DENND4B: variants seen among roughly 807,000 people sequenced by gnomAD.
The protein encoded by DENND4B is DENN domain-containing protein 4B.
A neutral mutation model predicts 161.0 loss-of-function variants in DENND4B; 67 were observed. The observed-to-expected ratio is 0.42, with a 90% CI of 0.34 to 0.51. The LOEUF (loss-of-function observed/expected upper bound fraction) is 0.51. DENND4B is among the 20% of genes least tolerant of loss of function. DENND4B has a pLI of 0.08. For missense variants in DENND4B, 1,481 were observed against 1,968.0 expected (o/e 0.75, Z 4.68); for synonymous variants, 753 against 813.8 (o/e 0.93, Z 1.27).
rs748569669 is a variant in DENND4B at position 153,934,275 on chromosome 1, G to A, written c.2801C>T (p.Thr934Ile). ...AEPYLERPSP[T>I]RPLQRQTTWA... ...AGTAGTCTGGCGCTGAAGAGGGCGA[G>A]TAGGGGAAGGGCGCTCCAAATAGGG... The change falls in exon 19 of 28, where the codon ACT becomes ATT. Residue 934 changes from threonine to isoleucine, a missense_variant. Coordinates refer to ENST00000361217, the MANE Select transcript of DENND4B (RefSeq NM_014856.3). This position sits in a 1 kb window ranked among gnomAD's most constrained non-coding sequence, Gnocchi z 5.3. 7 of 1,594,418 alleles carry A rather than the reference G, an allele frequency of 4.4e-6. No individual in the cohort carries two copies. The highest frequency in any genetic ancestry group is 1.1e-5 in the South Asian group (1 of 88,114).
rs767248489 is a variant in DENND4B, at chr1:153,934,935, G to A, written c.2598C>T (p.Gly866=). The part of the protein sequence containing the change: ...KAVLESKWPS[G]TPGGRLRWAK... ...CCCAGCGCAGACGCCCACCTGGTGT[G>A]CCAGACGGCCACTTGCTTTCCAACA... Residue 866 remains glycine, a synonymous_variant, in exon 18 of 28, where the codon GGC becomes GGT. Coordinates refer to ENST00000361217, the MANE Select transcript of DENND4B (RefSeq NM_014856.3). The surrounding 1 kb of genome is among the most constrained non-coding windows in gnomAD (Gnocchi z 5.3). The A allele has an allele frequency of 1.2e-6, 2 of 1,612,620 alleles. No individual in the cohort carries two copies. The highest frequency in any genetic ancestry group is 1.7e-5 in the Admixed American group (1 of 60,016).
At chr1:153,945,046 G>C (rs1571062140) in intron 1 of DENND4B, 1 of 1,251,616 alleles carries the variant, frequency 8.0e-7, no homozygotes, top group Admixed American at 2.5e-5. Flanking sequence ...TAGATCCAAA[G>C]CAGTTGTGAG....
Position 153,939,787 on chromosome 1 carries a change from C to T in DENND4B, c.1621G>A (p.Glu541Lys), listed in dbSNP as rs1679563886. ...AGTAGGAACTCCAGGGATGCTTCCTCCTCAGGTCCAGTGTATGCTGGAGGC... is the reference window on the plus strand; with the variant it reads ...AGTAGGAACTCCAGGGATGCTTCCTTCTCAGGTCCAGTGTATGCTGGAGGC... ...QLDQTYTGPE[E>K]EASLEFLLTD... is the part of the protein sequence containing the mutation. Residue 541 changes from glutamate to lysine, a missense_variant, in exon 12 of 28, where the codon GAG becomes AAG. Around this residue, in one of 3 missense-constraint regions of DENND4B, gnomAD observed 806 missense variants for 1,134.4 expected, o/e 0.71. Coordinates refer to ENST00000361217, the MANE Select transcript of DENND4B (RefSeq NM_014856.3). 3.7e-6 allele frequency: 6 copies of T among 1,613,742 alleles called. No individual in the cohort carries two copies. Among genetic ancestry groups the T allele is most frequent in the Non-Finnish European group, 5.1e-6 (6 of 1,179,878 alleles).
rs1478002643 is a variant in DENND4B, at chr1:153,942,919, G to A, written c.529C>T (p.His177Tyr). 3.1e-6 allele frequency: 5 copies of A among 1,609,644 alleles called. No homozygotes were observed. The highest frequency in any genetic ancestry group is 3.4e-6 in the Non-Finnish European group (4 of 1,176,582). ...VLPSKGEGTP[H>Y]TYCRLPRNLN... ...TTGCGGGGCAGCCGGCAGTAAGTAT[G>A]AGGAGTGCCCTCGCCCTTACTGGGC... The change falls in exon 3 of 28, where the codon CAT becomes TAT. Residue 177 changes from histidine (H) to tyrosine (Y), a missense_variant. By Grantham distance (83) the His-to-Tyr change is moderately conservative. Around this residue, in one of 3 missense-constraint regions of DENND4B, gnomAD observed 806 missense variants for 1,134.4 expected, o/e 0.71. Coordinates refer to ENST00000361217, the MANE Select transcript of DENND4B (RefSeq NM_014856.3). The surrounding 1 kb of genome is among the most constrained non-coding windows in gnomAD (Gnocchi z 6.9).
chr1:153,936,457 C>T lies in DENND4B; in HGVS notation c.2439+85G>A, dbSNP rs1679336778. 5 of 1,408,578 alleles carry T rather than the reference C, an allele frequency of 3.5e-6. No homozygotes were observed. The highest frequency in any genetic ancestry group is 1.5e-5 in the South Asian group (1 of 68,768). 87.3% of individuals were successfully genotyped at this position (1,408,578 alleles called of 1,614,324 possible). On this transcript the variant is annotated intron_variant, in intron 16 of 27. Coordinates refer to ENST00000361217, the MANE Select transcript of DENND4B (RefSeq NM_014856.3). This position sits in a 1 kb window ranked among gnomAD's most constrained non-coding sequence, Gnocchi z 4.1. ...GCTCTGCAACTTCTTTCCTTAGTCT[C>T]CACCAAGTTTCCCTCTCACAGCCCT... is the stretch of plus-strand genomic sequence containing the variant.
Position 153,941,432 on chromosome 1 carries a change from G to A in DENND4B, c.1064C>T (p.Ser355Phe). ...PHRLPLEAHI[S>F]HFIHNVPFPS... ...GAAGGGAACGTTGTGAATGAAGTGG[G>A]AGATGTGCCTGGGGGACAGAGAAAC... The change falls in exon 7 of 28, where the codon TCC becomes TTC. Residue 355 changes from serine (S) to phenylalanine (F), a missense_variant. By Grantham distance (155) the Ser-to-Phe change is radical. This residue lies in a region of DENND4B where 806 missense variants were observed against 1,134.4 expected (regional missense o/e 0.71). Transcript: ENST00000361217. 1 of 1,612,188 alleles carries A rather than the reference G, an allele frequency of 6.2e-7. No homozygotes were observed. The highest frequency in any genetic ancestry group is 8.5e-7 in the Non-Finnish European group (1 of 1,179,442).
At position 153,930,618 on chromosome 1, in the gene DENND4B, G is replaced by T. The variant is rs773471488; in HGVS notation, c.4281-15C>A. The stretch of plus-strand genomic sequence containing the variant: ...GGTAGATTCCCCTTTAGTGGAGGCA[G>T]AAGTGTATGAGTGAGAGAAAAGGGG... On this transcript the variant is annotated splice_polypyrimidine_tract_variant and intron_variant, in intron 26 of 27. Transcript: ENST00000361217. The surrounding 1 kb of genome is among the most constrained non-coding windows in gnomAD (Gnocchi z 4.7). The T allele has an allele frequency of 2.5e-6, 4 of 1,613,862 alleles. No individual in the cohort carries two copies. Among genetic ancestry groups the T allele is most frequent in the Non-Finnish European group, 2.5e-6 (3 of 1,179,866 alleles).
chr1:153,932,112 A>G lies in DENND4B; in HGVS notation c.3996+92T>C, dbSNP rs369945196. The G allele has an allele frequency of 2.1e-5, 26 of 1,254,032 alleles. No homozygotes were observed. Among genetic ancestry groups the G allele is most frequent in the Non-Finnish European group, 2.8e-5 (25 of 893,876 alleles). The allele number at this position is 1,254,032 out of a possible 1,614,324, so 77.7% of individuals were successfully genotyped here. A position where few individuals can be genotyped will look rare whatever the true frequency, so the allele number is the denominator to read the frequency against. On this transcript the variant is annotated intron_variant, in intron 24 of 27. Transcript: ENST00000361217. This position sits in a 1 kb window ranked among gnomAD's most constrained non-coding sequence, Gnocchi z 5.8. ...ATGAGCCACCGTGCCTGGCCAGTCTATGCTCTTTCTACAGTGCCAAGGACA... is the reference window on the plus strand; with the variant it reads ...ATGAGCCACCGTGCCTGGCCAGTCTGTGCTCTTTCTACAGTGCCAAGGACA...
Position 153,936,692 on chromosome 1 carries a change from C to T in DENND4B, c.2289G>A (p.Trp763Ter). ...AQKSAAVPEL[W>*]ARCLLGHCYG... ...AGCAGTGCCCCAGCAGGCACCGGGC[C>T]CACAGCTCAGGCACAGCTGCTGACT... is the stretch of plus-strand genomic sequence containing the variant. Residue 763 changes from tryptophan (W) to a stop codon, truncating the protein, a stop_gained, in exon 16 of 28, where the codon TGG becomes TGA. Transcript: ENST00000361217. LOFTEE classifies it high-confidence loss of function. This position sits in a 1 kb window ranked among gnomAD's most constrained non-coding sequence, Gnocchi z 4.1. The T allele has an allele frequency of 1.2e-6, 2 of 1,612,086 alleles. No homozygotes were observed. Among genetic ancestry groups the T allele is most frequent in the Non-Finnish European group, 1.7e-6 (2 of 1,178,890 alleles).
chr1:153,933,689 TG>T lies in DENND4B; in HGVS notation c.3123del (p.Lys1042ArgfsTer88). 1 of 1,575,302 alleles carries T rather than the reference TG, an allele frequency of 6.3e-7. No individual in the cohort carries two copies. The highest frequency in any genetic ancestry group is 8.6e-7 in the Non-Finnish European group (1 of 1,161,432). On this transcript the variant is annotated frameshift_variant, in exon 20 of 28. Coordinates refer to ENST00000361217, the MANE Select transcript of DENND4B (RefSeq NM_014856.3). LOFTEE classifies it high-confidence loss of function. The surrounding 1 kb of genome is among the most constrained non-coding windows in gnomAD (Gnocchi z 5.7). ...EALEGLSGRG[P>X]KAGGRQDEAG... ...GCCTCATCCTGTCGCCCACCAGCCT[TG>T]GGTCCCCGCCCACTTAGCCCTTCCA... is the stretch of plus-strand genomic sequence containing the variant.
chr1:153,940,799 G>A lies in DENND4B; in HGVS notation c.1326+105C>T. On this transcript the variant is annotated intron_variant, in intron 9 of 27. Transcript: ENST00000361217. This position sits in a 1 kb window ranked among gnomAD's most constrained non-coding sequence, Gnocchi z 5.6. ...CAGGCTGTGCCCAGGGAAAGGGGCT[G>A]AGGATCCTCCACAAGGAAGGAAAAG... 4 of 1,469,984 alleles carry A rather than the reference G, an allele frequency of 2.7e-6. No individual in the cohort carries two copies. In the South Asian group the frequency reaches 5.6e-5, roughly 21 times the overall value. The allele number at this position is 1,469,984 out of a possible 1,614,324, so 91.1% of individuals were successfully genotyped here.
Position 153,940,233 on chromosome 1 carries a change from G to C in DENND4B, c.1526C>G (p.Ser509Cys), listed in dbSNP as rs1445359759. The C allele has an allele frequency of 1.2e-5, 20 of 1,601,778 alleles. No individual in the cohort carries two copies. The East Asian group carries it at 3.3e-4, about 27-fold the overall frequency. The change falls in exon 11 of 28, where the codon TCC becomes TGC. Residue 509 changes from serine (S) to cysteine (C), a missense_variant. Transcript: ENST00000361217. The surrounding 1 kb of genome is among the most constrained non-coding windows in gnomAD (Gnocchi z 5.6). ...GGGTCTGCGGGGCAGGGTCCGAGGG[G>C]AGAGGAGCTTCTTTTCCTCAGTCCT... is the stretch of plus-strand genomic sequence containing the variant. ...LFQTEEKKLL[S>C]PRTLPRRPYK... is the part of the protein sequence containing the mutation.
Position 153,942,326 on chromosome 1 carries a change from T to C in DENND4B, c.671A>G (p.Asn224Ser), listed in dbSNP as rs765482204. 6.2e-7 allele frequency: 1 copy of C among 1,613,402 alleles called. No homozygotes were observed. The highest frequency in any genetic ancestry group is 1.7e-5 in the Admixed American group (1 of 59,970). ...ELLGRYPEED[N>S]EAFPLPESVP... ...TGACTCGGGCAGCGGGAACGCCTCA[T>C]TGTCCTCCTCCGGGTAGCGGCCCAG... The change falls in exon 5 of 28, where the codon AAT (asparagine) becomes AGT (serine). Residue 224 changes from asparagine to serine, a missense_variant. By Grantham distance (46) the Asn-to-Ser change is conservative (BLOSUM62 1). This residue lies in a region of DENND4B where 806 missense variants were observed against 1,134.4 expected (regional missense o/e 0.71). Transcript: ENST00000361217. This position sits in a 1 kb window ranked among gnomAD's most constrained non-coding sequence, Gnocchi z 6.9.
At position 153,934,674 on chromosome 1, in the gene DENND4B, A is replaced by G. The variant is rs949276834; in HGVS notation, c.2773+86T>C. 3.3e-6 allele frequency: 5 copies of G among 1,523,310 alleles called. No homozygotes were observed. In the African/African-American group the frequency reaches 6.9e-5, roughly 21 times the overall value. 94.4% of individuals were successfully genotyped at this position (1,523,310 alleles called of 1,614,324 possible). Reference sequence around the variant, plus strand: ...AATCCCCAGAAACCCAATGCCAACCATTAGACCAGCCCCAACTCTCTATGC... The same window carrying G: ...AATCCCCAGAAACCCAATGCCAACCGTTAGACCAGCCCCAACTCTCTATGC... On this transcript the variant is annotated intron_variant, in intron 18 of 27. Transcript: ENST00000361217. The surrounding 1 kb of genome is among the most constrained non-coding windows in gnomAD (Gnocchi z 5.3).
chr1:153,932,115 C>G lies in DENND4B; in HGVS notation c.3996+89G>C. The stretch of plus-strand genomic sequence containing the variant: ...AGCCACCGTGCCTGGCCAGTCTATG[C>G]TCTTTCTACAGTGCCAAGGACACAG... On this transcript the variant is annotated intron_variant, in intron 24 of 27. Coordinates refer to ENST00000361217, the MANE Select transcript of DENND4B (RefSeq NM_014856.3). This position sits in a 1 kb window ranked among gnomAD's most constrained non-coding sequence, Gnocchi z 5.8. 1.6e-6 allele frequency: 2 copies of G among 1,285,148 alleles called. No homozygotes were observed. The highest frequency in any genetic ancestry group is 2.2e-6 in the Non-Finnish European group (2 of 920,596). 79.6% of individuals were successfully genotyped at this position (1,285,148 alleles called of 1,614,324 possible).
intron 17 of DENND4B, 149 bp from the exon 18 acceptor site, chr1:153,935,113 G>A (rs1391393927): frequency 2.1e-6 from 3 of 1,429,734 alleles, no homozygotes; most frequent in Non-Finnish European, 2.8e-6. Context: ...CCAGGAACAA[G>A]AGCCCAGAAG....
At position 153,943,185 on chromosome 1, in the gene DENND4B, C is replaced by T. The variant is rs534870667; in HGVS notation, c.318-55G>A. ...AGAGGTCAGGGTAGAGGACAAAGAC[C>T]CAATCCTGCCAGATCTGCCTATCTA... On this transcript the variant is annotated intron_variant, in intron 2 of 27. Coordinates refer to ENST00000361217, the MANE Select transcript of DENND4B (RefSeq NM_014856.3). 1.5e-4 allele frequency: 228 copies of T among 1,556,190 alleles called. 1 individual carries two copies. The South Asian group carries it at 2.4e-3, about 16-fold the overall frequency.
chr1:153,937,767 C>T lies in DENND4B; in HGVS notation c.2062G>A (p.Glu688Lys). ...TCACTGCCCTCTGGTAAGGCAGGCT[C>T]CTCGGGAGGTGTGATAAAGACAGTG... ...ELTVFITPPE[E>K]PALPEGSEST... The change falls in exon 14 of 28, where the codon GAG becomes AAG. Residue 688 changes from glutamate to lysine, a missense_variant. By Grantham distance (56) the Glu-to-Lys change is moderately conservative. Transcript: ENST00000361217. This position sits in a 1 kb window ranked among gnomAD's most constrained non-coding sequence, Gnocchi z 4.7. 1 of 1,613,960 alleles carries T rather than the reference C, an allele frequency of 6.2e-7. No homozygotes were observed. The highest frequency in any genetic ancestry group is 1.1e-5 in the South Asian group (1 of 91,078).
chr1:153,938,452 C>CA (rs1232649841), intron 13 of DENND4B, among the ~76,000 whole-genome samples: 9 of 147,196 alleles, frequency 6.1e-5, no homozygotes, highest in African/African-American at 2.3e-4. Flanking sequence ...CTTGTAATCC[C>CA]AGCACCTTGG....
Sources: gnomAD v4.1 joint callset for allele counts (sites outside exome capture counted in the v4.1 genomes callset) on GRCh38, gnomAD v4.1.1 for gene constraint, gnomAD v4.1.1 regional missense constraint, Gnocchi (gnomAD v3.1) non-coding constraint, MANE v1.5 for transcripts, NCBI Gene and HGNC (gene_info 2026-07-23, HGNC 2026-07-21) for gene names.